TENM3: variants seen among roughly 807,000 people sequenced by gnomAD.
The protein encoded by TENM3 is teneurin-3.
A neutral mutation model predicts 255.1 loss-of-function variants in TENM3; 63 were observed. The observed-to-expected ratio is 0.25, with a 90% CI of 0.20 to 0.30. The LOEUF is 0.30. TENM3 is among the 10% of genes least tolerant of loss of function. The pLI, the probability that TENM3 is intolerant of heterozygous loss-of-function variation, is 1.00. For missense variants in TENM3, 2,929 were observed against 3,461.1 expected (o/e 0.85, Z 3.86); for synonymous variants, 1,306 against 1,322.3 (o/e 0.99, Z 0.27).
chr4:182,715,434 A>C (rs1034580070), intron 13 of TENM3, among the ~76,000 whole-genome samples: 2 of 152,224 alleles, frequency 1.3e-5, no homozygotes, highest in African/African-American at 4.8e-5. Flanking sequence ...CAAAATCTGT[A>C]ATCACTTTAA....
chr4:182,505,200 A>G (rs1430631027), intron 3 of TENM3, among the ~76,000 whole-genome samples: 1 of 152,100 alleles, frequency 6.6e-6, no homozygotes, highest in Non-Finnish European at 1.5e-5. Flanking sequence ...TCTTAGTTCT[A>G]TGTTAATTTA....
At chr4:182,518,349 G>C (rs1444081566) in intron 3 of TENM3, among the ~76,000 whole-genome samples, 1 of 152,180 alleles carries the variant, frequency 6.6e-6, no homozygotes, top group Non-Finnish European at 1.5e-5. Context: ...TATCACTCCA[G>C]TGAGTATCTT....
chr4:182,540,579 C>T (rs1322982474), intron 3 of TENM3, among the ~76,000 whole-genome samples: 6 of 151,342 alleles, frequency 4.0e-5, no homozygotes, highest in Non-Finnish European at 7.4e-5. Context: ...AGTGAAACTC[C>T]ATTTCAAAAA....
At chr4:182,567,021 A>T (rs1282223920) in intron 3 of TENM3, among the ~76,000 whole-genome samples, 2 of 152,210 alleles carry the variant, frequency 1.3e-5, no homozygotes, top group East Asian at 3.9e-4. Flanking sequence ...TTAACTACAT[A>T]CTGCAAAGGA....
At chr4:182,769,769 G>GC (rs1439507750) in intron 22 of TENM3, among the ~76,000 whole-genome samples, 1 of 149,232 alleles carries the variant, frequency 6.7e-6, no homozygotes, top group Non-Finnish European at 1.5e-5. Context: ...AGGCAACAGA[G>GC]CAAGACTCTG....
chr4:181,719,770 C>A, the TENM3 span, among the ~76,000 whole-genome samples: 1 of 152,214 alleles, frequency 6.6e-6, no homozygotes, highest in African/African-American at 2.4e-5. Flanking sequence ...GCAATAGTCT[C>A]TATCATAAAT....
At chr4:182,707,398 C>A (rs538771224) in intron 12 of TENM3, among the ~76,000 whole-genome samples, 2 of 152,098 alleles carry the variant, frequency 1.3e-5, no homozygotes, top group Non-Finnish European at 2.9e-5. Context: ...GAGGCCCATC[C>A]TCAGAGACCT....
intron 3 of TENM3, among the ~76,000 whole-genome samples, chr4:182,579,994 A>T (rs1303744328): frequency 6.6e-6 from 1 of 152,156 alleles, no homozygotes; most frequent in East Asian, 1.9e-4. Context: ...AATTTGCAGG[A>T]TGTTGAGGTC....
At chr4:182,707,879 C>T (rs1350840989) in intron 12 of TENM3, 1 of 152,150 alleles carries the variant, frequency 6.6e-6, no homozygotes, top group East Asian at 1.9e-4. Context: ...CCTACGGAAT[C>T]CATGTAGAAG....
the TENM3 span, among the ~76,000 whole-genome samples, chr4:181,992,178 T>C: frequency 6.6e-6 from 1 of 152,148 alleles, no homozygotes; most frequent in African/African-American, 2.4e-5. Context: ...AATAACAGGC[T>C]AGAATTTACC....
At chr4:182,344,242 G>C (rs943798456) in intron 2 of TENM3, among the ~76,000 whole-genome samples, 1 of 152,114 alleles carries the variant, frequency 6.6e-6, no homozygotes, top group African/African-American at 2.4e-5. Context: ...CTGAGGCCAA[G>C]TTTAGTTTTC....
chr4:181,641,592 ATG>A, the TENM3 span, among the ~76,000 whole-genome samples: 1 of 91,870 alleles, frequency 1.1e-5, no homozygotes, highest in Non-Finnish European at 2.1e-5. Context: ...ATATATATAT[ATG>A]GTGTGTGTGT....
At chr4:182,747,276 T>C (rs1289624292) in intron 19 of TENM3, among the ~76,000 whole-genome samples, 1 of 152,166 alleles carries the variant, frequency 6.6e-6, no homozygotes, top group Non-Finnish European at 1.5e-5. Context: ...GGGGGAATAA[T>C]AAAAATATTG....
intron 6 of TENM3, among the ~76,000 whole-genome samples, chr4:182,669,330 C>A (rs980763547): frequency 6.6e-6 from 1 of 152,008 alleles, no homozygotes; most frequent in Non-Finnish European, 1.5e-5. Flanking sequence ...AGTGCAGTGG[C>A]GCGATCTCGG....
the TENM3 span, among the ~76,000 whole-genome samples, chr4:181,611,058 A>C: frequency 6.6e-6 from 1 of 151,920 alleles, no homozygotes; most frequent in African/African-American, 2.4e-5. Context: ...TATCTTTATC[A>C]CTCTTGATTA....
chr4:181,575,974 T>C, the TENM3 span, among the ~76,000 whole-genome samples: 1 of 152,216 alleles, frequency 6.6e-6, no homozygotes, highest in Non-Finnish European at 1.5e-5. Context: ...TTTGTATAAA[T>C]TCAAGAGGGT....
chr4:182,339,190 T>G (rs549758799), intron 2 of TENM3, among the ~76,000 whole-genome samples: 3 of 152,224 alleles, frequency 2.0e-5, no homozygotes, highest in Non-Finnish European at 4.4e-5. Context: ...TCAGATCCAC[T>G]GGGCTAATTA....
chr4:182,471,816 T>G (rs1733152452), intron 3 of TENM3, among the ~76,000 whole-genome samples: 3 of 152,206 alleles, frequency 2.0e-5, no homozygotes, highest in Non-Finnish European at 4.4e-5. Flanking sequence ...CTTATTCACC[T>G]GTTTTCTTAA....
At chr4:181,780,906 A>T in the TENM3 span, among the ~76,000 whole-genome samples, 1 of 152,102 alleles carries the variant, frequency 6.6e-6, no homozygotes, top group Non-Finnish European at 1.5e-5. Context: ...TGTTTTTCTC[A>T]GGTTTGTCAA....
Sources: gnomAD v4.1 joint callset for allele counts (sites outside exome capture counted in the v4.1 genomes callset) on GRCh38, gnomAD v4.1.1 for gene constraint, MANE v1.5 for transcripts, NCBI Gene and HGNC (gene_info 2026-07-23, HGNC 2026-07-21) for gene names.